MTMR9: variants seen among roughly 807,000 people sequenced by gnomAD.
MTMR9 encodes myotubularin-related protein 9.
Under a neutral mutation model 69.5 loss-of-function variants are expected in MTMR9, and 39 were observed. The ratio of observed to expected loss-of-function variants is 0.56; its 90% CI spans 0.43 to 0.73. MTMR9 has a LOEUF of 0.73. MTMR9 is among the 30% of genes least tolerant of loss of function. MTMR9 has a pLI of 0.00. For missense variants in MTMR9, 900 were observed against 671.2 expected (o/e 1.34, Z -3.77); for synonymous variants, 354 against 240.8 (o/e 1.47, Z -4.35).
At chr8:11,313,194 T>A (rs1800275402) in intron 6 of MTMR9, among the ~76,000 whole-genome samples, 1 of 152,260 alleles carries the variant, frequency 6.6e-6, no homozygotes, top group Non-Finnish European at 1.5e-5. Flanking sequence ...TGAACCAGCC[T>A]CTGCTAGTTT....
rs919955444 is a variant in MTMR9 at position 11,326,597 on chromosome 8, G to C, written c.*3809G>C. On this transcript the variant is annotated 3_prime_UTR_variant, in exon 10 of 10. Transcript: ENST00000221086. ...TTAGCTACTGCTTATTCTTTCACAT[G>C]GGCTAGGCCTGTTCTCCTCCTCCAG... is the stretch of plus-strand genomic sequence containing the variant. 1 of 152,106 alleles carries C rather than the reference G, an allele frequency of 6.6e-6. No individual in the cohort carries two copies. Among genetic ancestry groups the C allele is most frequent in the Non-Finnish European group, 1.5e-5 (1 of 68,030 alleles). The allele number at this position is 152,106 out of a possible 1,614,324, so 9.4% of individuals were successfully genotyped here. A position where few individuals can be genotyped will look rare whatever the true frequency, so the allele number is the denominator to read the frequency against.
Position 11,316,825 on chromosome 8 carries a change from C to G in MTMR9, c.1266C>G (p.Leu422=), listed in dbSNP as rs754163844. ...CTTTTGAGTTTAATGAGAATTTCCT[C>G]ATCATGCTCTTTGAGCATGCTTATG... The part of the protein sequence containing the change: ...PCSFEFNENF[L]IMLFEHAYAS... The change falls in exon 8 of 10, where the codon CTC becomes CTG. Residue 422 remains leucine (L), a synonymous_variant. Coordinates refer to ENST00000221086, the MANE Select transcript of MTMR9 (RefSeq NM_015458.4). The G allele has an allele frequency of 1.9e-6, 3 of 1,613,790 alleles. No homozygotes were observed. The highest frequency in any genetic ancestry group is 1.1e-5 in the South Asian group (1 of 91,036).
intron 2 of MTMR9, chr8:11,297,851 C>T (rs779473961): frequency 1.3e-5 from 6 of 456,100 alleles, no homozygotes; most frequent in Middle Eastern, 3.2e-4. Context: ...GTTCTTACAG[C>T]GTAGTGATTA....
intron 5 of MTMR9, among the ~76,000 whole-genome samples, chr8:11,308,115 C>T (rs148949961): frequency 2.8e-4 from 42 of 152,278 alleles, no homozygotes; most frequent in Non-Finnish European, 5.0e-4. Context: ...TAACTTTTCC[C>T]AGACCAATGT....
At chr8:11,313,747 C>T (rs772408809) in intron 6 of MTMR9, among the ~76,000 whole-genome samples, 4 of 152,134 alleles carry the variant, frequency 2.6e-5, no homozygotes, top group Admixed American at 6.5e-5. Flanking sequence ...CTTATATGGA[C>T]GTGGTTCCTG....
At chr8:11,336,645 T>A in the MTMR9 span, among the ~76,000 whole-genome samples, 4 of 152,192 alleles carry the variant, frequency 2.6e-5, no homozygotes, top group African/African-American at 4.8e-5. Context: ...AGTAAGCAAA[T>A]ATACCCTTAA....
rs1321325106 is a variant in MTMR9 at position 11,326,666 on chromosome 8, C to G, written c.*3878C>G. On this transcript the variant is annotated 3_prime_UTR_variant, in exon 10 of 10. Transcript: ENST00000221086. ...TTACCACATAGTATTTTTATGTTAC[C>G]CATCATCTTTAAAAACATTATAGGC... 6.6e-6 allele frequency: 1 copy of G among 152,130 alleles called. No individual in the cohort carries two copies. The highest frequency in any genetic ancestry group is 1.5e-5 in the Non-Finnish European group (1 of 68,038). 9.4% of individuals were successfully genotyped at this position (152,130 alleles called of 1,614,324 possible). A position where few individuals can be genotyped will look rare whatever the true frequency, so the allele number is the denominator to read the frequency against.
chr8:11,292,557 T>C (rs1799409624), intron 1 of MTMR9, among the ~76,000 whole-genome samples: 1 of 152,234 alleles, frequency 6.6e-6, no homozygotes, highest in African/African-American at 2.4e-5. Flanking sequence ...AGTGGTATCT[T>C]ACTGTGGCTT....
chr8:11,288,031 A>AAT (rs1259449847), intron 1 of MTMR9, among the ~76,000 whole-genome samples: 1 of 125,066 alleles, frequency 8.0e-6, no homozygotes, highest in Non-Finnish European at 1.6e-5. Context: ...TATGATATAT[A>AAT]ATATATATTA....
At chr8:11,295,104 C>G in intron 1 of MTMR9, 90 bp from the exon 2 acceptor site, 2 of 698,270 alleles carry the variant, frequency 2.9e-6, no homozygotes, top group Non-Finnish European at 4.7e-6. Context: ...TAGATGGTAA[C>G]TACAACTATA....
At position 11,296,029 on chromosome 8, in the gene MTMR9, G is replaced by A. The variant is rs186374605; in HGVS notation, c.291+727G>A. Among the ~76,000 whole-genome samples the A allele has an allele frequency of 3.7e-3, 556 of 151,982 alleles. 5 individuals are homozygous for A. Among genetic ancestry groups the A allele is most frequent in the African/African-American group, 0.012 (508 of 41,452 alleles). ...TCTTGAATATACTAGTATATCTTTT[G>A]TAATAAATACAGTTCTAAAAATTTG... On this transcript the variant is annotated intron_variant, in intron 2 of 9. Coordinates refer to ENST00000221086, the MANE Select transcript of MTMR9 (RefSeq NM_015458.4).
chr8:11,298,362 G>T (rs1054730368), intron 2 of MTMR9, among the ~76,000 whole-genome samples: 15 of 151,910 alleles, frequency 9.9e-5, no homozygotes, highest in African/African-American at 3.6e-4. Context: ...GGCAGCCAAA[G>T]ACAGTATAGA....
chr8:11,311,773 G>A (rs544579001), intron 6 of MTMR9, among the ~76,000 whole-genome samples: 6 of 152,216 alleles, frequency 3.9e-5, no homozygotes, highest in Non-Finnish European at 8.8e-5. Flanking sequence ...TGTAGCATGT[G>A]ATACCGTTTG....
chr8:11,301,001 A>G (rs1466237302), intron 3 of MTMR9, among the ~76,000 whole-genome samples: 1 of 152,186 alleles, frequency 6.6e-6, no homozygotes, highest in African/African-American at 2.4e-5. Context: ...AAAAGCAATC[A>G]GATGAGACAT....
At chr8:11,293,505 C>T (rs1020322278) in intron 1 of MTMR9, among the ~76,000 whole-genome samples, 19 of 152,198 alleles carry the variant, frequency 1.2e-4, no homozygotes, top group African/African-American at 4.6e-4. Flanking sequence ...CCGTGGCTTA[C>T]CTTTTCATGC....
chr8:11,331,437 A>G, downstream of MTMR9: 1 of 1,614,002 alleles, frequency 6.2e-7, no homozygotes, highest in Non-Finnish European at 8.5e-7. Flanking sequence ...TGCCCTGCTC[A>G]ACGTCCTCAG....
chr8:11,306,425 T>C lies in MTMR9; in HGVS notation c.809+18T>C, dbSNP rs764962379. 1 of 1,606,158 alleles carries C rather than the reference T, an allele frequency of 6.2e-7. No individual in the cohort carries two copies. Among genetic ancestry groups the C allele is most frequent in the Non-Finnish European group, 8.5e-7 (1 of 1,173,074 alleles). On this transcript the variant is annotated intron_variant, in intron 5 of 9. Coordinates refer to ENST00000221086, the MANE Select transcript of MTMR9 (RefSeq NM_015458.4). Reference sequence around the variant, plus strand: ...ATTGAGAGGTAAAAGATTCCAAAGATAGTACAGACTCTTATTAGAAGCTAA... The same window carrying C: ...ATTGAGAGGTAAAAGATTCCAAAGACAGTACAGACTCTTATTAGAAGCTAA...
intron 9 of MTMR9, chr8:11,320,377 G>A (rs2117459144): frequency 6.6e-6 from 1 of 152,286 alleles, no homozygotes. Context: ...TATATGCACT[G>A]ATTTTTCCAA....
chr8:11,295,114 A>G, intron 1 of MTMR9, 80 bp from the exon 2 acceptor site: 1 of 767,006 alleles, frequency 1.3e-6, no homozygotes. Context: ...CTACAACTAT[A>G]TTCTCTTTTC....
Sources: allele counts gnomAD v4.1 joint callset (sites outside exome capture counted in the v4.1 genomes callset), GRCh38; gene constraint gnomAD v4.1.1; transcripts MANE v1.5; gene names NCBI Gene and HGNC (gene_info 2026-07-23, HGNC 2026-07-21).